The following GABRB2 variants were observed in gnomAD, a reference collection of about 807,000 sequenced individuals.
GABRB2 encodes the protein gamma-aminobutyric acid receptor subunit beta-2.
Under a neutral mutation model 54.7 loss-of-function variants are expected in GABRB2, and 16 were observed. The ratio of observed to expected loss-of-function variants is 0.29; its 90% CI spans 0.20 to 0.44. The LOEUF (loss-of-function observed/expected upper bound fraction) is 0.44. Ranked by LOEUF, GABRB2 falls within the 20% of genes least tolerant of loss-of-function variation. The pLI is 1.00. For missense variants in GABRB2, 355 were observed against 644.0 expected (o/e 0.55, Z 4.86); for synonymous variants, 244 against 233.8 (o/e 1.04, Z -0.40).
At chr5:161,332,389 G>A (rs1753879015) in intron 7 of GABRB2, among the ~76,000 whole-genome samples, 1 of 152,196 alleles carries the variant, frequency 6.6e-6, no homozygotes, top group South Asian at 2.1e-4. Flanking sequence ...GGACAATTAG[G>A]CATATAATGC....
At chr5:161,320,593 C>T (rs1471651508) in intron 9 of GABRB2, among the ~76,000 whole-genome samples, 2 of 151,752 alleles carry the variant, frequency 1.3e-5, no homozygotes. Context: ...TTAAATTCAT[C>T]TTTATATAGT....
intron 3 of GABRB2, among the ~76,000 whole-genome samples, chr5:161,506,283 G>C (rs929072546): frequency 6.6e-6 from 1 of 152,004 alleles, no homozygotes; most frequent in African/African-American, 2.4e-5. Flanking sequence ...ATATGAAAAA[G>C]AAAATATTGT....
intron 3 of GABRB2, among the ~76,000 whole-genome samples, chr5:161,515,583 C>A (rs1581050340): frequency 1.3e-5 from 2 of 151,974 alleles, no homozygotes; most frequent in Admixed American, 6.6e-5. Context: ...TTCCTTTAAA[C>A]GTCACTGAAT....
intron 5 of GABRB2, among the ~76,000 whole-genome samples, chr5:161,355,718 G>A (rs898414406): frequency 3.3e-5 from 5 of 151,824 alleles, no homozygotes; most frequent in African/African-American, 1.2e-4. Context: ...TAAAAAAAAA[G>A]GATCTGACTC....
intron 3 of GABRB2, among the ~76,000 whole-genome samples, chr5:161,509,256 T>G (rs188775581): frequency 6.6e-6 from 1 of 152,168 alleles, no homozygotes; most frequent in African/African-American, 2.4e-5. Flanking sequence ...TTTCCATCTA[T>G]GACAATATTT....
At chr5:161,516,743 G>A (rs1243168803) in intron 3 of GABRB2, among the ~76,000 whole-genome samples, 1 of 152,170 alleles carries the variant, frequency 6.6e-6, no homozygotes, top group Non-Finnish European at 1.5e-5. Flanking sequence ...CTGAGAAGAT[G>A]AATTTATTTT....
chr5:161,374,732 G>A (rs1561627336), intron 5 of GABRB2, among the ~76,000 whole-genome samples: 1 of 152,060 alleles, frequency 6.6e-6, no homozygotes, highest in Non-Finnish European at 1.5e-5. Flanking sequence ...TTGCTTAGCA[G>A]TTTTTTCCTC....
chr5:161,437,221 G>C (rs913245454), intron 4 of GABRB2, among the ~76,000 whole-genome samples: 1 of 151,806 alleles, frequency 6.6e-6, no homozygotes, highest in Non-Finnish European at 1.5e-5. Context: ...ACAGCTTGTG[G>C]CTCCAAAAGA....
At chr5:161,462,461 C>T in intron 3 of GABRB2, among the ~76,000 whole-genome samples, 1 of 152,098 alleles carries the variant, frequency 6.6e-6, no homozygotes, top group East Asian at 1.9e-4. Context: ...TTAGTGATTT[C>T]CAATTCTTGA....
At chr5:161,300,692 A>C (rs1300832444) in intron 9 of GABRB2, among the ~76,000 whole-genome samples, 1 of 152,208 alleles carries the variant, frequency 6.6e-6, no homozygotes, top group Non-Finnish European at 1.5e-5. Flanking sequence ...CTCCACTCCC[A>C]GGACTCCTAA....
At chr5:161,336,503 G>T in intron 6 of GABRB2, 129 bp downstream of exon 6, 1 of 1,091,054 alleles carries the variant, frequency 9.2e-7, no homozygotes, top group Non-Finnish European at 1.3e-6. Flanking sequence ...ATGGGAAACT[G>T]AGGGTTTTCA....
At position 161,334,798 on chromosome 5, in the gene GABRB2, G is replaced by A. The variant is rs1411351174; in HGVS notation, c.786C>T (p.Val262=). 1 of 1,614,048 alleles carries A rather than the reference G, an allele frequency of 6.2e-7. No homozygotes were observed. Among genetic ancestry groups the A allele is most frequent in the South Asian group, 1.1e-5 (1 of 91,082 alleles). The part of the protein sequence containing the change: ...PSILITILSW[V]SFWINYDASA... The stretch of plus-strand genomic sequence containing the variant: ...AAGCATCGTAATTAATCCAGAAGGA[G>A]ACCCAGGAGAGGATGGTAATCAGGA... The change falls in exon 7 of 10, where the codon GTC becomes GTT. Residue 262 remains valine (V), a synonymous_variant. Transcript: ENST00000393959.
chr5:161,355,937 T>A (rs1273134183), intron 5 of GABRB2, among the ~76,000 whole-genome samples: 1 of 152,296 alleles, frequency 6.6e-6, no homozygotes, highest in Admixed American at 6.5e-5. Flanking sequence ...GAACCAACTT[T>A]ATTTATTAAT....
chr5:161,463,547 A>ATTTT (rs201395694), intron 3 of GABRB2, among the ~76,000 whole-genome samples: 2 of 31,904 alleles, frequency 6.3e-5, no homozygotes, highest in African/African-American at 2.4e-4. Flanking sequence ...GATTCCAAAT[A>ATTTT]TTTTTATTTA....
intron 3 of GABRB2, among the ~76,000 whole-genome samples, chr5:161,502,850 A>G (rs1264692489): frequency 6.6e-6 from 1 of 152,224 alleles, no homozygotes; most frequent in Non-Finnish European, 1.5e-5. Flanking sequence ...GAAACTACAG[A>G]AATCTCCATA....
intron 4 of GABRB2, among the ~76,000 whole-genome samples, chr5:161,417,008 C>G (rs926941107): frequency 1.3e-5 from 2 of 151,982 alleles, no homozygotes; most frequent in Non-Finnish European, 2.9e-5. Flanking sequence ...TGAATTTAAG[C>G]ATTAGAGTAT....
chr5:161,409,887 A>G (rs941468395), intron 5 of GABRB2, among the ~76,000 whole-genome samples: 4 of 152,180 alleles, frequency 2.6e-5, no homozygotes, highest in Non-Finnish European at 5.9e-5. Flanking sequence ...CATAATTTGA[A>G]AATAATGATG....
At chr5:161,488,772 T>C (rs544765333) in intron 3 of GABRB2, among the ~76,000 whole-genome samples, 1 of 151,900 alleles carries the variant, frequency 6.6e-6, no homozygotes, top group African/African-American at 2.4e-5. Flanking sequence ...GTTACTAATG[T>C]TATGTGGTTC....
intron 5 of GABRB2, among the ~76,000 whole-genome samples, chr5:161,361,216 T>TA (rs557693501): frequency 5.3e-5 from 8 of 151,958 alleles, no homozygotes; most frequent in Non-Finnish European, 1.2e-4. Context: ...ACCAAATTGT[T>TA]AAAAAAATGA....
Sources: gnomAD v4.1 joint callset for allele counts (sites outside exome capture counted in the v4.1 genomes callset) on GRCh38, gnomAD v4.1.1 for gene constraint, MANE v1.5 for transcripts, NCBI Gene and HGNC (gene_info 2026-07-23, HGNC 2026-07-21) for gene names.